Variants in TRABD2A observed in about 807,000 individuals in gnomAD.
TRABD2A encodes TraB domain containing 2A.
TRABD2A carries 43 observed loss-of-function variants against 45.6 expected under a neutral mutation model. The ratio of observed to expected loss-of-function variants is 0.94; its 90% confidence interval spans 0.74 to 1.22. TRABD2A has a LOEUF of 1.22. Ranked by LOEUF, TRABD2A falls within the 50% of genes most tolerant of loss-of-function variation. TRABD2A has a pLI of 0.00. For missense variants in TRABD2A, 642 were observed against 652.4 expected (o/e 0.98, Z 0.17); for synonymous variants, 269 against 265.0 (o/e 1.02, Z -0.15).
At chr2:84,856,553 C>T (rs773733288) in intron 2 of TRABD2A, among the ~76,000 whole-genome samples, 43 of 152,036 alleles carry the variant, frequency 2.8e-4, no homozygotes, top group African/African-American at 4.6e-4. Flanking sequence ...AGCATAAGGA[C>T]GAGATAAACT....
At chr2:84,850,566 A>G (rs1682049393) in intron 2 of TRABD2A, 1 of 152,156 alleles carries the variant, frequency 6.6e-6, no homozygotes, top group African/African-American at 2.4e-5. Flanking sequence ...GAGGCCCCAG[A>G]GAGAGATGAG....
chr2:84,825,694 C>G (rs1681126327), intron 5 of TRABD2A, among the ~76,000 whole-genome samples: 1 of 152,132 alleles, frequency 6.6e-6, no homozygotes, highest in African/African-American at 2.4e-5. Context: ...GGGTCCCCAG[C>G]CCCCAAGCCA....
chr2:84,867,058 A>T (rs1408765144), intron 2 of TRABD2A, among the ~76,000 whole-genome samples: 1 of 151,396 alleles, frequency 6.6e-6, no homozygotes, highest in Non-Finnish European at 1.5e-5. Flanking sequence ...ACAGAGTGAG[A>T]CTCTGTCTCA....
chr2:84,847,435 G>A (rs535996153), intron 2 of TRABD2A, among the ~76,000 whole-genome samples: 3 of 152,300 alleles, frequency 2.0e-5, no homozygotes, highest in East Asian at 1.9e-4. Context: ...ACCCCAGGGC[G>A]TCTTCCAGGA....
At chr2:84,880,859 G>A in intron 1 of TRABD2A, 73 bp downstream of exon 1, 1 of 1,539,944 alleles carries the variant, frequency 6.5e-7, no homozygotes, top group Non-Finnish European at 8.8e-7. Flanking sequence ...GCGCTGCTTC[G>A]CGGGGTTCGG....
chr2:84,831,865 AC>A (rs1030730386), intron 5 of TRABD2A, among the ~76,000 whole-genome samples, 189 bp downstream of exon 5: 1 of 151,954 alleles, frequency 6.6e-6, no homozygotes, highest in Non-Finnish European at 1.5e-5. Context: ...CCTGCCAACC[AC>A]GTCTGACACA....
intron 5 of TRABD2A, among the ~76,000 whole-genome samples, chr2:84,824,692 C>T (rs1018941381): frequency 8.6e-5 from 13 of 151,704 alleles, no homozygotes; most frequent in Non-Finnish European, 1.8e-4. Context: ...AAGCAAATGT[C>T]ACGAATCTGA....
intron 2 of TRABD2A, among the ~76,000 whole-genome samples, chr2:84,851,323 G>A (rs1052681267): frequency 6.6e-6 from 1 of 152,198 alleles, no homozygotes; most frequent in Non-Finnish European, 1.5e-5. Flanking sequence ...ACCTGAAAGA[G>A]GCATTGCATT....
At chr2:84,834,115 G>C (rs1376983862) in intron 4 of TRABD2A, 1 of 152,182 alleles carries the variant, frequency 6.6e-6, no homozygotes, top group Non-Finnish European at 1.5e-5. Flanking sequence ...ACAGACCCGG[G>C]GTGGTGCATT....
chr2:84,839,587 T>G (rs2105380221), intron 3 of TRABD2A, among the ~76,000 whole-genome samples: 1 of 152,108 alleles, frequency 6.6e-6, no homozygotes, highest in East Asian at 1.9e-4. Context: ...AATGGCTCTG[T>G]CTGATGCCGT....
Position 84,821,894 on chromosome 2 carries a change from T to G in TRABD2A, c.*23A>C. On this transcript the variant is annotated 3_prime_UTR_variant, in exon 7 of 7. Coordinates refer to ENST00000409520, the MANE Select transcript of TRABD2A (RefSeq NM_001277053.2). Reference sequence around the variant, plus strand: ...ATTCTTCAAGTCCGAGGGGTCAGGTTCTTAGCCTGGTGCTTCCAGTCGTTA... The same window carrying G: ...ATTCTTCAAGTCCGAGGGGTCAGGTGCTTAGCCTGGTGCTTCCAGTCGTTA... 6.4e-7 allele frequency: 1 copy of G among 1,554,584 alleles called. No individual in the cohort carries two copies. Among genetic ancestry groups the G allele is most frequent in the Non-Finnish European group, 8.7e-7 (1 of 1,149,126 alleles).
In TRABD2A at chr2:84,880,955, C is replaced by T; in HGVS notation, c.85G>A (p.Ala29Thr). ...AASRRGAPGT[A>T]NCELKPQQSE... The stretch of plus-strand genomic sequence containing the variant: ...ACTTGGGGCTTGAGCTCGCAGTTGG[C>T]GGTGCCGGGCGCCCCGCGCCGCGAA... The change falls in exon 1 of 7, where the codon GCC becomes ACC. Residue 29 changes from alanine (A) to threonine (T), a missense_variant. Ala to Thr is a moderately conservative substitution (Grantham distance 58, BLOSUM62 0). Transcript: ENST00000409520. 1 of 1,597,488 alleles carries T rather than the reference C, an allele frequency of 6.3e-7. No individual in the cohort carries two copies.
At position 84,859,950 on chromosome 2, in the gene TRABD2A, G is replaced by T. The variant is rs532540373; in HGVS notation, c.669+10275C>A. Among the ~76,000 whole-genome samples the T allele has an allele frequency of 4.1e-4, 51 of 123,104 alleles. 2 individuals carry two copies. In the South Asian group the frequency reaches 0.011, roughly 26 times the overall value. 80.8% of individuals were successfully genotyped at this position (123,104 alleles called of 152,430 possible). On this transcript the variant is annotated intron_variant, in intron 2 of 6. Transcript: ENST00000409520. ...GGTCTCATTTATTTTTTGGAGAGAT[G>T]GGGGGGGGTCTCACTATGTTGTCCA...
At chr2:84,876,681 G>A (rs1683035151) in intron 1 of TRABD2A, among the ~76,000 whole-genome samples, 1 of 152,154 alleles carries the variant, frequency 6.6e-6, no homozygotes, top group Non-Finnish European at 1.5e-5. Flanking sequence ...ACATGCAATA[G>A]ACTTTACCTC....
At chr2:84,858,498 C>G (rs58818511) in intron 2 of TRABD2A, among the ~76,000 whole-genome samples, 19,838 of 152,150 alleles carry the variant, frequency 0.13, 1,573 homozygotes, top group African/African-American at 0.22. Context: ...AGTTTGTATA[C>G]CTTTTCCTCA....
chr2:84,865,866 G>C (rs968972693), intron 2 of TRABD2A, among the ~76,000 whole-genome samples: 2 of 152,216 alleles, frequency 1.3e-5, no homozygotes, highest in African/African-American at 4.8e-5. Flanking sequence ...CCACCCTGCT[G>C]AGCCCACTCC....
At chr2:84,846,581 TC>T (rs1192251801) in intron 2 of TRABD2A, among the ~76,000 whole-genome samples, 1 of 152,084 alleles carries the variant, frequency 6.6e-6, no homozygotes, top group Non-Finnish European at 1.5e-5. Flanking sequence ...TCGCTGTATG[TC>T]CAAAGAGACG....
intron 5 of TRABD2A, among the ~76,000 whole-genome samples, chr2:84,826,822 G>A (rs1340099668): frequency 6.6e-6 from 1 of 152,214 alleles, no homozygotes; most frequent in Non-Finnish European, 1.5e-5. Flanking sequence ...GTGAGCCACC[G>A]TGCCTGGCCA....
intron 1 of TRABD2A, among the ~76,000 whole-genome samples, chr2:84,877,180 T>A (rs1478781): frequency 0.069 from 10,503 of 152,092 alleles, 475 homozygotes; most frequent in Non-Finnish European, 0.094. Context: ...TCAGGACTCT[T>A]CTTTACCTTA....
Sources: gnomAD v4.1 joint callset for allele counts (sites outside exome capture counted in the v4.1 genomes callset) on GRCh38, gnomAD v4.1.1 for gene constraint, MANE v1.5 for transcripts, NCBI Gene and HGNC (gene_info 2026-07-23, HGNC 2026-07-21) for gene names.